ASCC3: variants seen among roughly 807,000 people sequenced by gnomAD.
The protein encoded by ASCC3 is activating signal cointegrator 1 complex subunit 3, also known as ASC-1 complex subunit P200.
ASCC3 carries 158 observed loss-of-function variants against 256.3 expected under a neutral mutation model. That is an observed-to-expected ratio of 0.62 (90% confidence interval 0.54 to 0.70). The LOEUF (loss-of-function observed/expected upper bound fraction) is 0.70. Ranked by LOEUF, ASCC3 falls within the 30% of genes least tolerant of loss-of-function variation. The probability of loss-of-function intolerance (pLI) is 0.00; values close to 1 mark genes in which losing one functional copy is unlikely to be tolerated. For synonymous variants in ASCC3, 948 were observed against 883.4 expected (o/e 1.07, Z -1.30); for missense variants, 2,259 against 2,626.0 (o/e 0.86, Z 3.05).
chr6:100,626,140 GTTTT>G (rs907760465), intron 29 of ASCC3, among the ~76,000 whole-genome samples: 13 of 151,190 alleles, frequency 8.6e-5, no homozygotes, highest in Non-Finnish European at 1.5e-4. Context: ...TTGAAATGAG[GTTTT>G]TTGTTTGTTT....
chr6:100,668,009 T>C (rs1205232921), intron 14 of ASCC3, among the ~76,000 whole-genome samples: 1 of 152,002 alleles, frequency 6.6e-6, no homozygotes, highest in African/African-American at 2.4e-5. Flanking sequence ...ACAGTGGCCA[T>C]TACTGACTAG....
chr6:100,817,814 T>C (rs1464615159), intron 4 of ASCC3, among the ~76,000 whole-genome samples: 1 of 152,130 alleles, frequency 6.6e-6, no homozygotes, highest in Non-Finnish European at 1.5e-5. Flanking sequence ...TCCAGATGGC[T>C]TCACAGTTGA....
rs745502695 is a variant in ASCC3, at chr6:100,540,197, T to C, written c.5741A>G (p.Lys1914Arg). Residue 1914 changes from lysine to arginine, a missense_variant, in exon 37 of 42, where the codon AAA becomes AGA. Physicochemically the swap from Lys to Arg is conservative, Grantham distance 26 (BLOSUM62 2). Coordinates refer to ENST00000369162, the MANE Select transcript of ASCC3 (RefSeq NM_006828.4). Reference protein sequence around the residue: ...LPCPDYDTDTKTVLDQALRVC... With the variant: ...LPCPDYDTDTRTVLDQALRVC... ...TCTGAGAGCTTGGTCCAAGACTGTT[T>C]TGGTATCAGTGTCATAATCTGGGCA... 3.0e-5 allele frequency: 49 copies of C among 1,613,968 alleles called. No individual in the cohort carries two copies. In the Admixed American group the frequency reaches 5.8e-4, roughly 19 times the overall value.
intron 10 of ASCC3, among the ~76,000 whole-genome samples, chr6:100,728,449 T>C (rs1289798246): frequency 6.6e-6 from 1 of 152,050 alleles, no homozygotes; most frequent in Admixed American, 6.6e-5. Context: ...CTAGTAAAGC[T>C]GAAATATGCA....
intron 3 of ASCC3, chr6:100,858,228 T>C (rs994023330): frequency 7.9e-6 from 4 of 506,958 alleles, no homozygotes; most frequent in Non-Finnish European, 1.0e-5. Flanking sequence ...AAAATTGATT[T>C]TTATATTAAC....
At chr6:100,672,493 T>G (rs1201673641) in intron 14 of ASCC3, among the ~76,000 whole-genome samples, 1 of 152,006 alleles carries the variant, frequency 6.6e-6, no homozygotes, top group Non-Finnish European at 1.5e-5. Flanking sequence ...AATGAAGAGA[T>G]AACTATCTCT....
intron 16 of ASCC3, among the ~76,000 whole-genome samples, chr6:100,658,420 TACTC>T (rs1482130058): frequency 1.3e-5 from 2 of 151,448 alleles, no homozygotes; most frequent in African/African-American, 4.8e-5. Context: ...CTTAAGCAAA[TACTC>T]TAATCATCAT....
intron 1 of ASCC3, among the ~76,000 whole-genome samples, chr6:100,878,555 A>G (rs1212779742): frequency 6.6e-6 from 1 of 152,250 alleles, no homozygotes; most frequent in Admixed American, 6.5e-5. Context: ...AGATGAAACG[A>G]GCACAAGAAA....
intron 36 of ASCC3, among the ~76,000 whole-genome samples, chr6:100,576,602 T>C (rs530780022): frequency 1.2e-3 from 188 of 152,108 alleles, no homozygotes; most frequent in African/African-American, 4.4e-3. Context: ...AACACTTAAC[T>C]TGAAGGGTTA....
chr6:100,694,261 G>A (rs566318060), intron 13 of ASCC3, among the ~76,000 whole-genome samples: 1 of 151,458 alleles, frequency 6.6e-6, no homozygotes, highest in South Asian at 2.1e-4. Flanking sequence ...GAGGTCAGGA[G>A]TTTGAGATTA....
chr6:100,547,408 T>C (rs1769028883), intron 36 of ASCC3, among the ~76,000 whole-genome samples: 1 of 151,874 alleles, frequency 6.6e-6, no homozygotes, highest in African/African-American at 2.4e-5. Context: ...ATTGTTAAAA[T>C]ACTAAAAATA....
intron 8 of ASCC3, among the ~76,000 whole-genome samples, chr6:100,769,320 A>G (rs1220071928): frequency 6.6e-6 from 1 of 151,998 alleles, no homozygotes; most frequent in African/African-American, 2.4e-5. Flanking sequence ...AGAAGACTAT[A>G]ACAAATAATA....
chr6:100,646,553 T>C (rs1775387807), intron 22 of ASCC3, 62 bp downstream of exon 22: 12 of 1,496,898 alleles, frequency 8.0e-6, no homozygotes, highest in Non-Finnish European at 9.2e-6. Context: ...GGAACAGATG[T>C]AGTTGAGTCT....
intron 26 of ASCC3, among the ~76,000 whole-genome samples, chr6:100,630,171 G>A (rs2114864339): frequency 6.6e-6 from 1 of 152,228 alleles, no homozygotes; most frequent in East Asian, 1.9e-4. Flanking sequence ...TTACAGGCAT[G>A]AGCCACCACG....
intron 4 of ASCC3, among the ~76,000 whole-genome samples, chr6:100,833,876 G>C (rs1463970169): frequency 6.6e-6 from 1 of 152,098 alleles, no homozygotes; most frequent in Non-Finnish European, 1.5e-5. Context: ...TCAGGAGTTT[G>C]AGACCAGCAT....
rs1247112517 is a variant in ASCC3, at chr6:100,767,185, T to G, written c.1556A>C (p.Gln519Pro). The change falls in exon 9 of 42, where the codon CAA becomes CCA. Residue 519 changes from glutamine (Q) to proline (P), a missense_variant. This residue lies in a region of ASCC3 where 1,839 missense variants were observed against 2,206.7 expected (regional missense o/e 0.83). Coordinates refer to ENST00000369162, the MANE Select transcript of ASCC3 (RefSeq NM_006828.4). The stretch of plus-strand genomic sequence containing the variant: ...TTTGATAACACCTTGTTGAAAATGT[T>G]GGCGAATTTCATGCAAGACTGTCAG... ...AMLTVLHEIRQHFQQGVIKKN... is the reference protein window; with the variant it reads ...AMLTVLHEIRPHFQQGVIKKN... The G allele has an allele frequency of 6.2e-7, 1 of 1,614,188 alleles. No homozygotes were observed. The highest frequency in any genetic ancestry group is 1.1e-5 in the South Asian group (1 of 91,078).
At chr6:100,646,173 A>T (rs2114901243) in intron 22 of ASCC3, among the ~76,000 whole-genome samples, 1 of 152,298 alleles carries the variant, frequency 6.6e-6, no homozygotes, top group South Asian at 2.1e-4. Flanking sequence ...CTATGGAGTT[A>T]AATCCACTAA....
intron 10 of ASCC3, among the ~76,000 whole-genome samples, chr6:100,756,749 T>C (rs1057241007): frequency 2.6e-5 from 4 of 152,152 alleles, no homozygotes; most frequent in Non-Finnish European, 5.9e-5. Flanking sequence ...AATTTACAGA[T>C]AATCTATAAC....
chr6:100,706,670 GAAGCTGCCACATAGT>G (rs977244148), intron 13 of ASCC3, among the ~76,000 whole-genome samples: 9 of 152,046 alleles, frequency 5.9e-5, no homozygotes, highest in Non-Finnish European at 1.0e-4. Context: ...GCATTCAGCA[GAAGCTGCCACATAGT>G]AAGCTAACTG....
Sources: allele counts gnomAD v4.1 joint callset (sites outside exome capture counted in the v4.1 genomes callset), GRCh38; gene constraint gnomAD v4.1.1; regional missense constraint gnomAD v4.1.1; transcripts MANE v1.5; gene names NCBI Gene and HGNC (gene_info 2026-07-23, HGNC 2026-07-21).